Variants in KIAA0319 observed in about 807,000 individuals in gnomAD.
The protein encoded by KIAA0319 is dyslexia-associated protein KIAA0319.
In KIAA0319, 83 loss-of-function variants were observed where a neutral mutation model predicts 108.4. That is an observed-to-expected ratio of 0.77 (90% CI 0.64 to 0.92). The LOEUF is 0.92. Among genes scored for constraint, KIAA0319 ranks in the 40% least tolerant of loss-of-function variants. The pLI is 0.00. For missense variants in KIAA0319, 1,195 were observed against 1,322.4 expected, an observed-to-expected ratio of 0.90 and a Z score of 1.49; for synonymous variants, 484 against 510.4, an observed-to-expected ratio of 0.95 and a Z score of 0.70.
intron 14 of KIAA0319, 44 bp downstream of exon 14, chr6:24,566,553 T>C: frequency 1.3e-6 from 2 of 1,539,132 alleles, no homozygotes; most frequent in Non-Finnish European, 1.8e-6. Context: ...CTAATGCAGA[T>C]GTAATGATAA....
At chr6:24,569,526 A>C (rs895180598) in intron 12 of KIAA0319, among the ~76,000 whole-genome samples, 1 of 152,222 alleles carries the variant, frequency 6.6e-6, no homozygotes, top group South Asian at 2.1e-4. Context: ...GAGACAGAGC[A>C]TGTAAAGCTC....
intron 3 of KIAA0319, among the ~76,000 whole-genome samples, chr6:24,591,282 A>G (rs138897571): frequency 7.2e-5 from 11 of 152,278 alleles, no homozygotes; most frequent in African/African-American, 2.6e-4. Context: ...TGCATTTAAC[A>G]TTTTGAGGAA....
At chr6:24,612,808 G>T (rs1027088393) in intron 1 of KIAA0319, among the ~76,000 whole-genome samples, 2 of 152,074 alleles carry the variant, frequency 1.3e-5, no homozygotes, top group Non-Finnish European at 2.9e-5. Flanking sequence ...TTTTGTTGTT[G>T]TTGTTTTTGA....
At chr6:24,635,914 G>C (rs1213968869) in intron 1 of KIAA0319, among the ~76,000 whole-genome samples, 1 of 152,198 alleles carries the variant, frequency 6.6e-6, no homozygotes, top group Admixed American at 6.5e-5. Context: ...AAGTGGGTAG[G>C]CATCTTCTGA....
At chr6:24,567,554 A>G (rs113503241) in intron 13 of KIAA0319, among the ~76,000 whole-genome samples, 1,894 of 152,188 alleles carry the variant, frequency 0.012, 38 homozygotes, top group African/African-American at 0.039. Flanking sequence ...ATTAAAAATC[A>G]GCTGGGCATG....
intron 1 of KIAA0319, among the ~76,000 whole-genome samples, chr6:24,622,640 C>G (rs1252217167): frequency 6.6e-6 from 1 of 152,098 alleles, no homozygotes; most frequent in African/African-American, 2.4e-5. Flanking sequence ...TGTGTTAGGC[C>G]CAGGATCTGT....
At chr6:24,581,746 AC>A (rs564079768) in intron 6 of KIAA0319, among the ~76,000 whole-genome samples, 109 of 152,314 alleles carry the variant, frequency 7.2e-4, no homozygotes, top group African/African-American at 1.9e-3. Context: ...ATACTAAGTA[AC>A]CCAAATAAAG....
At chr6:24,569,081 T>C (rs919648907) in intron 12 of KIAA0319, 152 bp from the exon 13 acceptor site, 2 of 746,578 alleles carry the variant, frequency 2.7e-6, no homozygotes, top group Non-Finnish European at 4.2e-6. Flanking sequence ...CTGTACTCTC[T>C]AGTTCAGTGT....
intron 15 of KIAA0319, 68 bp from the exon 16 acceptor site, chr6:24,563,586 G>C: frequency 7.0e-7 from 1 of 1,422,258 alleles, no homozygotes; most frequent in Non-Finnish European, 9.4e-7. Context: ...TAAGGAGCGA[G>C]GTTTCTATAG....
intron 1 of KIAA0319, among the ~76,000 whole-genome samples, chr6:24,628,865 G>A (rs559660492): frequency 6.6e-6 from 1 of 152,106 alleles, no homozygotes; most frequent in African/African-American, 2.4e-5. Flanking sequence ...TCTTATAAGG[G>A]CACCAGTCGC....
At chr6:24,562,488 C>A (rs1326549988) in intron 16 of KIAA0319, among the ~76,000 whole-genome samples, 1 of 152,176 alleles carries the variant, frequency 6.6e-6, no homozygotes, top group Non-Finnish European at 1.5e-5. Context: ...AGTGGGTTTT[C>A]ATTCCCATAT....
At chr6:24,569,039 C>A in intron 12 of KIAA0319, 110 bp from the exon 13 acceptor site, 2 of 1,091,058 alleles carry the variant, frequency 1.8e-6, no homozygotes, top group Non-Finnish European at 1.3e-6. Flanking sequence ...TAATATATAC[C>A]ATTTAGAGAA....
At chr6:24,627,078 G>A (rs762720510) in intron 1 of KIAA0319, among the ~76,000 whole-genome samples, 2 of 152,162 alleles carry the variant, frequency 1.3e-5, no homozygotes, top group Non-Finnish European at 2.9e-5. Flanking sequence ...GGGCAGGCCA[G>A]CAGAACTCAA....
At chr6:24,628,250 T>G (rs1441310136) in intron 1 of KIAA0319, among the ~76,000 whole-genome samples, 2 of 152,206 alleles carry the variant, frequency 1.3e-5, no homozygotes, top group Non-Finnish European at 1.5e-5. Flanking sequence ...AAATGTCAGG[T>G]ATTGTAATTT....
chr6:24,625,354 GA>G (rs1411797456), intron 1 of KIAA0319, among the ~76,000 whole-genome samples: 1 of 151,878 alleles, frequency 6.6e-6, no homozygotes, highest in African/African-American at 2.4e-5. Flanking sequence ...TTATTAACAA[GA>G]CCCAAAAAGC....
In KIAA0319 at chr6:24,595,946, G is replaced by T; in HGVS notation, c.728C>A (p.Ser243Tyr). The change falls in exon 3 of 21, where the codon TCT becomes TAT. Residue 243 changes from serine to tyrosine, a missense_variant. Coordinates refer to ENST00000378214, the MANE Select transcript of KIAA0319 (RefSeq NM_014809.4). Reference sequence around the variant, plus strand: ...TTCTTTCTCCAACACCTCTCCTGAAGATGGAGTAGTCGGCAAGGGAAGCAA... The same window carrying T: ...TTCTTTCTCCAACACCTCTCCTGAATATGGAGTAGTCGGCAAGGGAAGCAA... The part of the protein sequence containing the change: ...SVLLPLPTTP[S>Y]SGEVLEKEKA... 3 of 1,614,162 alleles carry T rather than the reference G, an allele frequency of 1.9e-6. No homozygotes were observed. The highest frequency in any genetic ancestry group is 2.5e-6 in the Non-Finnish European group (3 of 1,180,022).
intron 3 of KIAA0319, among the ~76,000 whole-genome samples, chr6:24,595,567 A>AC (rs974603497): frequency 1.3e-5 from 2 of 151,088 alleles, no homozygotes; most frequent in African/African-American, 4.9e-5. Flanking sequence ...AAAAAAAAAA[A>AC]AAACGCTACA....
rs370043749 is a variant in KIAA0319 at position 24,546,078 on chromosome 6, T to G, written c.*1087A>C. ...AGTACTGCTTTGTGGGTGGGAATGTTTTAATTGTCTTTCATGTTTGAAATA... is the reference window on the plus strand; with the variant it reads ...AGTACTGCTTTGTGGGTGGGAATGTGTTAATTGTCTTTCATGTTTGAAATA... On this transcript the variant is annotated 3_prime_UTR_variant, in exon 21 of 21. Coordinates refer to ENST00000378214, the MANE Select transcript of KIAA0319 (RefSeq NM_014809.4). 6.6e-6 allele frequency: 1 copy of G among 152,338 alleles called. No homozygotes were observed. Among genetic ancestry groups the G allele is most frequent in the African/African-American group, 2.4e-5 (1 of 41,588 alleles). 9.4% of individuals were successfully genotyped at this position (152,338 alleles called of 1,614,324 possible).
intron 18 of KIAA0319, among the ~76,000 whole-genome samples, chr6:24,555,105 T>A (rs1414917403): frequency 6.6e-6 from 1 of 152,238 alleles, no homozygotes; most frequent in African/African-American, 2.4e-5. Context: ...TACTTGACCC[T>A]CATTCCTTCC....
Sources: allele counts gnomAD v4.1 joint callset (sites outside exome capture counted in the v4.1 genomes callset), GRCh38; gene constraint gnomAD v4.1.1; transcripts MANE v1.5; gene names NCBI Gene and HGNC (gene_info 2026-07-23, HGNC 2026-07-21).